DPP4: variants seen among roughly 807,000 people sequenced by gnomAD.
DPP4 encodes ADCP-2.
A neutral mutation model predicts 122.4 loss-of-function variants in DPP4; 93 were observed. That is an observed-to-expected ratio of 0.76 (90% CI 0.64 to 0.90). The LOEUF (loss-of-function observed/expected upper bound fraction) is 0.90. Among genes scored for constraint, DPP4 ranks in the 40% least tolerant of loss-of-function variants. The pLI is 0.00. For missense variants in DPP4, 914 were observed against 907.3 expected, an observed-to-expected ratio of 1.01 and a Z score of -0.09; for synonymous variants, 321 against 302.9, an observed-to-expected ratio of 1.06 and a Z score of -0.62.
intron 23 of DPP4, among the ~76,000 whole-genome samples, chr2:162,000,295 A>T (rs1413839191): frequency 1.3e-5 from 2 of 152,140 alleles, no homozygotes; most frequent in Admixed American, 1.3e-4. Flanking sequence ...AATGTTTAAG[A>T]AAAGAATGAC....
At chr2:162,024,260 C>A (rs1467741311) in intron 11 of DPP4, among the ~76,000 whole-genome samples, 1 of 152,216 alleles carries the variant, frequency 6.6e-6, no homozygotes, top group African/African-American at 2.4e-5. Context: ...TGGCTAGAAG[C>A]CTCCCAGCAC....
intron 12 of DPP4, among the ~76,000 whole-genome samples, chr2:162,022,206 T>C (rs1005080415): frequency 1.3e-5 from 2 of 152,198 alleles, no homozygotes; most frequent in African/African-American, 4.8e-5. Context: ...CTGAGAAGCA[T>C]GACAAGTCCC....
At chr2:162,005,604 T>A in intron 23 of DPP4, 141 bp downstream of exon 23, 1 of 710,090 alleles carries the variant, frequency 1.4e-6, no homozygotes, top group Non-Finnish European at 2.3e-6. Context: ...TTGGAGTATC[T>A]CTAAACCACC....
At chr2:162,047,954 A>G (rs1212159484) in intron 2 of DPP4, among the ~76,000 whole-genome samples, 1 of 152,156 alleles carries the variant, frequency 6.6e-6, no homozygotes, top group Non-Finnish European at 1.5e-5. Flanking sequence ...TCTAACTCTC[A>G]AATCTGATAT....
chr2:162,004,609 A>C (rs1701235958), intron 23 of DPP4, among the ~76,000 whole-genome samples: 1 of 152,156 alleles, frequency 6.6e-6, no homozygotes, highest in Non-Finnish European at 1.5e-5. Context: ...ACACGCACAC[A>C]CACACATACA....
intron 2 of DPP4, among the ~76,000 whole-genome samples, chr2:162,061,881 T>C (rs548182116): frequency 2.0e-4 from 30 of 152,170 alleles, no homozygotes; most frequent in Non-Finnish European, 3.5e-4. Flanking sequence ...AGCAATGCCA[T>C]ATGCTAGGTG....
intron 10 of DPP4, among the ~76,000 whole-genome samples, chr2:162,029,793 C>G (rs1440250665): frequency 6.6e-6 from 1 of 151,066 alleles, no homozygotes; most frequent in East Asian, 1.9e-4. Flanking sequence ...CATGCCCTTT[C>G]CAATCCCCTA....
chr2:162,012,107 C>A, intron 19 of DPP4, 120 bp from the exon 20 acceptor site: 1 of 949,634 alleles, frequency 1.1e-6, no homozygotes, highest in South Asian at 1.7e-5. Flanking sequence ...TTAAACTGTG[C>A]CAGCCTATGG....
rs191157016 is a variant in DPP4 at position 162,061,246 on chromosome 2, G to T, written c.94+12153C>A. On this transcript the variant is annotated intron_variant, in intron 2 of 25. Transcript: ENST00000360534. ...TTTCCACTGCTCACTTCTGCTCTGT[G>T]GTTAAGGATGCAGAGTGTGTACTGA... 3.9e-5 allele frequency among the ~76,000 whole-genome samples: 6 copies of T among 152,234 alleles called. 1 individual carries two copies. The East Asian group carries it at 1.2e-3, about 29-fold the overall frequency.
At position 162,006,755 on chromosome 2, in the gene DPP4, A is replaced by G. The variant is rs1701292165; in HGVS notation, c.1988-946T>C. 2.6e-5 allele frequency among the ~76,000 whole-genome samples: 4 copies of G among 152,260 alleles called. No individual in the cohort carries two copies. In the South Asian group the frequency reaches 8.3e-4, roughly 32 times the overall value. On this transcript the variant is annotated intron_variant, in intron 22 of 25. Coordinates refer to ENST00000360534, the MANE Select transcript of DPP4 (RefSeq NM_001935.4). Reference sequence around the variant, plus strand: ...ATTATTGAGGCCAAATTGCAGTAAAACTTTAAAAATCTGACATAACTGCTT... The same window carrying G: ...ATTATTGAGGCCAAATTGCAGTAAAGCTTTAAAAATCTGACATAACTGCTT...
At chr2:162,063,569 A>G (rs1015883321) in intron 2 of DPP4, among the ~76,000 whole-genome samples, 2 of 151,920 alleles carry the variant, frequency 1.3e-5, no homozygotes, top group African/African-American at 4.8e-5. Flanking sequence ...CCCCGAGGGG[A>G]GGTGGAGAAG....
At chr2:161,995,449 TA>T in intron 23 of DPP4, 77 bp from the exon 24 acceptor site, 1 of 1,409,172 alleles carries the variant, frequency 7.1e-7, no homozygotes. Context: ...GTTTACAAAA[TA>T]AAATGTTTTC....
In DPP4 at chr2:161,995,173, C is replaced by T. The variant is rs1334279599; in HGVS notation, c.2125+127G>A. ...ATCCCATTTAGCCCAAGACAAGTGA[C>T]TTGTGGAAAGCAACACTGTTTTATT... On this transcript the variant is annotated intron_variant, in intron 24 of 25. Transcript: ENST00000360534. 3.8e-6 allele frequency: 5 copies of T among 1,311,578 alleles called. 1 individual carries two copies. The East Asian group carries it at 9.3e-5, about 24-fold the overall frequency. 81.2% of individuals were successfully genotyped at this position (1,311,578 alleles called of 1,614,324 possible). A position where few individuals can be genotyped will look rare whatever the true frequency, so the allele number is the denominator to read the frequency against.
chr2:162,057,961 C>T (rs1356762055), intron 2 of DPP4, among the ~76,000 whole-genome samples: 4 of 151,986 alleles, frequency 2.6e-5, no homozygotes, highest in African/African-American at 9.7e-5. Flanking sequence ...TTAGTAGGGA[C>T]GGGGTTTCAC....
chr2:162,037,181 T>G (rs1234903892), intron 8 of DPP4, among the ~76,000 whole-genome samples: 1 of 152,190 alleles, frequency 6.6e-6, no homozygotes, highest in African/African-American at 2.4e-5. Flanking sequence ...GTCGTGAACA[T>G]GCAAAAGACT....
intron 2 of DPP4, among the ~76,000 whole-genome samples, chr2:162,063,927 G>T (rs1423841156): frequency 6.6e-6 from 1 of 152,096 alleles, no homozygotes; most frequent in Admixed American, 6.6e-5. Flanking sequence ...ACATGCAAGG[G>T]GACAGCTGGA....
At chr2:162,043,430 G>A (rs1341723370) in intron 5 of DPP4, among the ~76,000 whole-genome samples, 1 of 152,182 alleles carries the variant, frequency 6.6e-6, no homozygotes, top group Non-Finnish European at 1.5e-5. Flanking sequence ...ACTGTCTGAA[G>A]CATAGATGGC....
intron 22 of DPP4, among the ~76,000 whole-genome samples, chr2:162,006,401 T>G (rs1192694406): frequency 6.6e-6 from 1 of 152,166 alleles, no homozygotes; most frequent in Non-Finnish European, 1.5e-5. Flanking sequence ...TGGGATTCAC[T>G]ATAATAAAAA....
At chr2:161,995,400 T>G (rs371736150) in intron 23 of DPP4, 28 bp from the exon 24 acceptor site, 1 of 1,591,866 alleles carries the variant, frequency 6.3e-7, no homozygotes, top group Non-Finnish European at 8.6e-7. Context: ...AATGTCATTA[T>G]TCAAAAAAGG....
Sources: gnomAD v4.1 joint callset for allele counts (sites outside exome capture counted in the v4.1 genomes callset) on GRCh38, gnomAD v4.1.1 for gene constraint, MANE v1.5 for transcripts, NCBI Gene and HGNC (gene_info 2026-07-23, HGNC 2026-07-21) for gene names.